The following ADGRA2 variants were observed in gnomAD, a reference collection of about 807,000 sequenced individuals.
The protein encoded by ADGRA2 is G-protein coupled receptor 124.
Under a neutral mutation model 98.7 loss-of-function variants are expected in ADGRA2, and 61 were observed. That is an observed-to-expected ratio of 0.62 (90% CI 0.50 to 0.76). ADGRA2 has a LOEUF of 0.76. Among genes scored for constraint, ADGRA2 ranks in the 30% least tolerant of loss-of-function variants. The probability of loss-of-function intolerance (pLI) is 0.00; values close to 1 mark genes in which losing one functional copy is unlikely to be tolerated. For missense variants in ADGRA2, 1,712 were observed against 1,860.0 expected, an observed-to-expected ratio of 0.92 and a Z score of 1.46; for synonymous variants, 858 against 831.5, an observed-to-expected ratio of 1.03 and a Z score of -0.55.
intron 17 of ADGRA2, 42 bp from the exon 18 acceptor site, chr8:37,840,718 C>T (rs765523572): frequency 3.9e-6 from 4 of 1,030,406 alleles, no homozygotes; most frequent in Non-Finnish European, 6.1e-6. Context: ...CTTCCCTTCC[C>T]TTTCCCCATC....
chr8:37,832,131 T>TTTGA (rs397796175), intron 8 of ADGRA2, among the ~76,000 whole-genome samples: 3 of 151,660 alleles, frequency 2.0e-5, no homozygotes, highest in South Asian at 2.1e-4. Context: ...TTTTTTTTTT[T>TTTGA]GAGAGAGAGT....
In ADGRA2 at chr8:37,831,558, G is replaced by A. The variant is rs1256582322; in HGVS notation, c.1068G>A (p.Glu356=). Residue 356 remains glutamate, a synonymous_variant, in exon 8 of 19, where the codon GAG becomes GAA. Coordinates refer to ENST00000412232, the MANE Select transcript of ADGRA2 (RefSeq NM_032777.10). ...CCTCTGCCTCCTACTGCCCCGCCGA[G>A]CGTGTTGCCAACAACCGCGGGGACT... ...LETSASYCPA[E]RVANNRGDFR... is the part of the protein sequence containing the mutation. 1.2e-6 allele frequency: 2 copies of A among 1,613,868 alleles called. No individual in the cohort carries two copies. The highest frequency in any genetic ancestry group is 8.5e-7 in the Non-Finnish European group (1 of 1,180,034).
chr8:37,844,761 C>T lies in ADGRA2; in HGVS notation c.*2406C>T. The T allele has an allele frequency of 6.2e-7, 1 of 1,614,074 alleles. No homozygotes were observed. The highest frequency in any genetic ancestry group is 8.5e-7 in the Non-Finnish European group (1 of 1,179,988). On this transcript the variant is annotated 3_prime_UTR_variant, in exon 19 of 19. Coordinates refer to ENST00000412232, the MANE Select transcript of ADGRA2 (RefSeq NM_032777.10). ...CACCTCCCCTTCTCCTTGCCCCTGT[C>T]CCCACCCCGGTGGCTCCTTCTCTCG...
rs1338353416 is a variant in ADGRA2 at position 37,841,566 on chromosome 8, G to A, written c.3228G>A (p.Val1076=). Residue 1076 remains valine, a synonymous_variant, in exon 19 of 19, where the codon GTG becomes GTA. Transcript: ENST00000412232. The surrounding 1 kb of genome is among the most constrained non-coding windows in gnomAD (Gnocchi z 5.0). Reference sequence around the variant, plus strand: ...ACCACTGTGCCAGGCGGAGGGACGTGAGAGCCTCGTGGCGCGCCTGCTGCC... The same window carrying A: ...ACCACTGTGCCAGGCGGAGGGACGTAAGAGCCTCGTGGCGCGCCTGCTGCC... ...FTHHCARRRD[V]RASWRACCPP... is the part of the protein sequence containing the mutation. The A allele has an allele frequency of 6.2e-7, 1 of 1,607,622 alleles. No homozygotes were observed. Among genetic ancestry groups the A allele is most frequent in the South Asian group, 1.1e-5 (1 of 90,278 alleles).
intron 1 of ADGRA2, among the ~76,000 whole-genome samples, chr8:37,804,134 CACA>C (rs1196922315): frequency 1.3e-5 from 2 of 151,072 alleles, no homozygotes; most frequent in African/African-American, 4.9e-5. Flanking sequence ...CACACACACA[CACA>C]CACACACACA....
In ADGRA2 at chr8:37,829,352, G is replaced by C; in HGVS notation, c.482+20G>C. ...CCGACTGTAAGTGATGGGGTGAGAA[G>C]TGGGGAGGGGAGGAGAGGGAAGAAG... On this transcript the variant is annotated intron_variant, in intron 4 of 18. Transcript: ENST00000412232. 1 of 1,606,410 alleles carries C rather than the reference G, an allele frequency of 6.2e-7. No homozygotes were observed. The highest frequency in any genetic ancestry group is 8.5e-7 in the Non-Finnish European group (1 of 1,173,320).
chr8:37,842,446 T>C lies in ADGRA2; in HGVS notation c.*91T>C. On this transcript the variant is annotated 3_prime_UTR_variant, in exon 19 of 19. Coordinates refer to ENST00000412232, the MANE Select transcript of ADGRA2 (RefSeq NM_032777.10). ...CCAAGGTGTCTCCGTAGTCAGCAGG[T>C]TGGAGGCAGAGGAGCCGATGGCTGG... 2 of 1,381,586 alleles carry C rather than the reference T, an allele frequency of 1.4e-6. No homozygotes were observed. The highest frequency in any genetic ancestry group is 9.4e-7 in the Non-Finnish European group (1 of 1,067,502). 85.6% of individuals were successfully genotyped at this position (1,381,586 alleles called of 1,614,324 possible).
chr8:37,805,771 A>T (rs769415102), intron 1 of ADGRA2, among the ~76,000 whole-genome samples: 1 of 152,128 alleles, frequency 6.6e-6, no homozygotes, highest in Non-Finnish European at 1.5e-5. Context: ...CATGAGGCTG[A>T]GGCAGGCGAG....
At chr8:37,821,087 A>C (rs1250423459) in intron 2 of ADGRA2, among the ~76,000 whole-genome samples, 1 of 152,212 alleles carries the variant, frequency 6.6e-6, no homozygotes, top group Non-Finnish European at 1.5e-5. Context: ...ACCACCCTCC[A>C]GCATGGCCAA....
chr8:37,826,571 T>TA (rs144729576), intron 2 of ADGRA2, among the ~76,000 whole-genome samples: 4,514 of 152,082 alleles, frequency 0.03, 152 homozygotes, highest in African/African-American at 0.083. Context: ...GCCGGCTGAG[T>TA]CCTTCGAGTC....
intron 1 of ADGRA2, among the ~76,000 whole-genome samples, chr8:37,804,845 A>G (rs143865448): frequency 0.018 from 2,756 of 152,354 alleles, 48 homozygotes; most frequent in Non-Finnish European, 0.028. Context: ...CGACCCCATA[A>G]TGGCCTAACA....
At chr8:37,839,116 G>A (rs1401289727) in intron 15 of ADGRA2, 33 bp downstream of exon 15, 1 of 1,607,406 alleles carries the variant, frequency 6.2e-7, no homozygotes, top group Non-Finnish European at 8.5e-7. Context: ...GGGCGTGGTG[G>A]GCAGGCATGG....
rs980348914 is a variant in ADGRA2, at chr8:37,802,381, C to T, written c.266+4847C>T. On this transcript the variant is annotated intron_variant, in intron 1 of 18. Transcript: ENST00000412232. This position sits in a 1 kb window ranked among gnomAD's most constrained non-coding sequence, Gnocchi z 4.7. Reference sequence around the variant, plus strand: ...CCATATGGTTCTCATAAGGTCTGGGCGCAGAGACAGCAGCCAGAGGAAGTG... The same window carrying T: ...CCATATGGTTCTCATAAGGTCTGGGTGCAGAGACAGCAGCCAGAGGAAGTG... Among the ~76,000 whole-genome samples the T allele has an allele frequency of 6.6e-5, 10 of 152,110 alleles. No homozygotes were observed. The highest frequency in any genetic ancestry group is 5.9e-5 in the Non-Finnish European group (4 of 68,020).
Position 37,814,716 on chromosome 8 carries a change from G to A in ADGRA2, c.267-180G>A, listed in dbSNP as rs1182850718. On this transcript the variant is annotated intron_variant, in intron 1 of 18. Transcript: ENST00000412232. The surrounding 1 kb of genome is among the most constrained non-coding windows in gnomAD (Gnocchi z 4.3). ...GGGCAGGAAGGTCTGACGTGGGGCT[G>A]GGTGGACCGTTGGCCAGCTTCTCCC... Among the ~76,000 whole-genome samples, 1 of 152,214 alleles carries A rather than the reference G, an allele frequency of 6.6e-6. No homozygotes were observed. Among genetic ancestry groups the A allele is most frequent in the Non-Finnish European group, 1.5e-5 (1 of 68,048 alleles).
chr8:37,817,626 G>C (rs1805017350), intron 2 of ADGRA2, among the ~76,000 whole-genome samples: 1 of 152,108 alleles, frequency 6.6e-6, no homozygotes. Flanking sequence ...GGAATCGCTT[G>C]AGCTGGGGAA....
In ADGRA2 at chr8:37,842,703, G is replaced by C. The variant is rs1805846260; in HGVS notation, c.*348G>C. On this transcript the variant is annotated 3_prime_UTR_variant, in exon 19 of 19. Coordinates refer to ENST00000412232, the MANE Select transcript of ADGRA2 (RefSeq NM_032777.10). ...CGCCTACTGTCCATGCGGCCTCACT[G>C]GGGGCCATCAGCCTCACCAGCAAAG... 1 of 230,524 alleles carries C rather than the reference G, an allele frequency of 4.3e-6. No homozygotes were observed. The highest frequency in any genetic ancestry group is 8.9e-5 in the East Asian group (1 of 11,270). 14.3% of individuals were successfully genotyped at this position (230,524 alleles called of 1,614,324 possible). A position where few individuals can be genotyped will look rare whatever the true frequency, so the allele number is the denominator to read the frequency against.
At chr8:37,833,600 G>A in intron 9 of ADGRA2, 88 bp from the exon 10 acceptor site, 1 of 1,373,202 alleles carries the variant, frequency 7.3e-7, no homozygotes, top group Non-Finnish European at 1.0e-6. Context: ...CAGGCACTGA[G>A]CACTGGCACA....
At position 37,797,456 on chromosome 8, in the gene ADGRA2, G is replaced by A. The variant is rs1804363672; in HGVS notation, c.188G>A (p.Arg63Gln). ...GLSGGVPGPA[R>Q]RRVVCSGGDL... ...AGCGGCGGCGTCCCTGGCCCGGCTC[G>A]GCGGAGGGTGGTGTGCAGCGGCGGG... The change falls in exon 1 of 19, where the codon CGG becomes CAG. Residue 63 changes from arginine to glutamine, a missense_variant. Arg to Gln is a conservative substitution (Grantham distance 43). Transcript: ENST00000412232. The surrounding 1 kb of genome is among the most constrained non-coding windows in gnomAD (Gnocchi z 5.3). The A allele has an allele frequency of 1.4e-6, 2 of 1,416,448 alleles. No individual in the cohort carries two copies. Among genetic ancestry groups the A allele is most frequent in the South Asian group, 3.2e-5 (2 of 61,926 alleles). The allele number at this position is 1,416,448 out of a possible 1,614,324, so 87.7% of individuals were successfully genotyped here.
chr8:37,839,908 T>C (rs1208795572), intron 16 of ADGRA2, among the ~76,000 whole-genome samples: 1 of 152,046 alleles, frequency 6.6e-6, no homozygotes, highest in Non-Finnish European at 1.5e-5. Flanking sequence ...ATCAGGGTCA[T>C]GGGAAGCCCT....
Sources: gnomAD v4.1 joint callset for allele counts (sites outside exome capture counted in the v4.1 genomes callset) on GRCh38, gnomAD v4.1.1 for gene constraint, Gnocchi (gnomAD v3.1) non-coding constraint, MANE v1.5 for transcripts, NCBI Gene and HGNC (gene_info 2026-07-23, HGNC 2026-07-21) for gene names.